The following AASS variants were observed in gnomAD, a reference collection of about 807,000 sequenced individuals.
AASS encodes aminoadipate-semialdehyde synthase, also known as alpha-aminoadipic semialdehyde synthase, mitochondrial.
AASS carries 86 observed loss-of-function variants against 105.4 expected under a neutral mutation model. That is an observed-to-expected ratio of 0.82 (90% CI 0.69 to 0.98). The LOEUF (loss-of-function observed/expected upper bound fraction) is 0.98. Among genes scored for constraint, AASS ranks in the 50% least tolerant of loss-of-function variants. The pLI is 0.00. For missense variants in AASS, 1,048 were observed against 1,143.2 expected (o/e 0.92, Z 1.20); for synonymous variants, 381 against 394.8 (o/e 0.96, Z 0.41).
chr7:122,081,538 G>A lies in AASS; in HGVS notation c.2242C>T (p.Leu748Phe). ...VKLGLINREA[L>F]PAFRPEANPL... is the part of the protein sequence containing the mutation. ...TTGGCCTCAGGTCTAAAGGCAGGAA[G>A]CGCTTCTCTGTTTATAAGACCTAAT... The change falls in exon 20 of 24, where the codon CTT becomes TTT. Residue 748 changes from leucine to phenylalanine, a missense_variant. By Grantham distance (22) the Leu-to-Phe change is conservative. Transcript: ENST00000417368. 6.2e-7 allele frequency: 1 copy of A among 1,614,010 alleles called. No individual in the cohort carries two copies. Among genetic ancestry groups the A allele is most frequent in the Non-Finnish European group, 8.5e-7 (1 of 1,179,900 alleles).
intron 19 of AASS, 106 bp from the exon 20 acceptor site, chr7:122,081,701 C>G: frequency 1.3e-6 from 1 of 789,238 alleles, no homozygotes; most frequent in Non-Finnish European, 2.1e-6. Context: ...ATTTAGAAAA[C>G]TGTTTATATT....
chr7:122,138,690 G>A (rs1026400698), intron 1 of AASS, among the ~76,000 whole-genome samples: 2 of 152,058 alleles, frequency 1.3e-5, no homozygotes, highest in African/African-American at 4.8e-5. Context: ...CTCTCAAGGT[G>A]GCAAGACTTA....
Position 122,078,004 on chromosome 7 carries a change from T to G in AASS, c.2496A>C (p.Glu832Asp), listed in dbSNP as rs2150506262. 6.2e-7 allele frequency: 1 copy of G among 1,614,134 alleles called. No individual in the cohort carries two copies. The highest frequency in any genetic ancestry group is 8.5e-7 in the Non-Finnish European group (1 of 1,179,958). Residue 832 changes from glutamate to aspartate, a missense_variant, in exon 23 of 24, where the codon GAA becomes GAC. By Grantham distance (45) the Glu-to-Asp change is conservative. Coordinates refer to ENST00000417368, the MANE Select transcript of AASS (RefSeq NM_005763.4). ...LVMKLSYGPEEKDMIVMRDSF... is the reference protein window; with the variant it reads ...LVMKLSYGPEDKDMIVMRDSF... ...TGTCTCTCATCACAATCATATCTTTTTCTTCAGGACCTTAAAACAAATAAA... is the reference window on the plus strand; with the variant it reads ...TGTCTCTCATCACAATCATATCTTTGTCTTCAGGACCTTAAAACAAATAAA...
At chr7:122,131,033 C>CAA (rs200717404) in intron 2 of AASS, among the ~76,000 whole-genome samples, 327 of 88,540 alleles carry the variant, frequency 3.7e-3, no homozygotes, top group Non-Finnish European at 5.0e-3. Flanking sequence ...TTTATTTTTG[C>CAA]AAAAAAAAAA....
intron 17 of AASS, among the ~76,000 whole-genome samples, 176 bp downstream of exon 17, chr7:122,092,667 T>G (rs1233999945): frequency 6.6e-6 from 1 of 151,736 alleles, no homozygotes; most frequent in African/African-American, 2.4e-5. Context: ...GAGGTTGCAG[T>G]GAGCCGAGAT....
intron 21 of AASS, 108 bp downstream of exon 21, chr7:122,079,489 G>A: frequency 1.8e-6 from 2 of 1,090,308 alleles, no homozygotes; most frequent in Non-Finnish European, 2.8e-6. Context: ...CCACATTAGA[G>A]CAACGAATTA....
chr7:122,140,496 A>AAAAAAAAAAAAAAAAAT (rs1347131052), intron 1 of AASS, among the ~76,000 whole-genome samples: 1 of 148,694 alleles, frequency 6.7e-6, no homozygotes, highest in East Asian at 2.0e-4. Context: ...AAAAAAAAAA[A>AAAAAAAAAAAAAAAAAT]AAAAAAAAAA....
intron 11 of AASS, among the ~76,000 whole-genome samples, chr7:122,102,879 G>C (rs1445481630): frequency 1.3e-5 from 2 of 151,466 alleles, no homozygotes; most frequent in African/African-American, 2.4e-5. Context: ...TGAAAGGTAA[G>C]AATTTACTGA....
chr7:122,129,433 A>C lies in AASS; in HGVS notation c.315T>G (p.Thr105=). Residue 105 remains threonine, a synonymous_variant, in exon 3 of 24, where the codon ACT becomes ACG. Transcript: ENST00000417368. ...PPEEKLMSRK[T]YAFFSHTIKA... is the part of the protein sequence containing the mutation. ...TTATTGTGTGGGAGAAAAATGCATAAGTCTTCCTGGACATTAATTTTTCCT... is the reference window on the plus strand; with the variant it reads ...TTATTGTGTGGGAGAAAAATGCATACGTCTTCCTGGACATTAATTTTTCCT... 1 of 1,613,584 alleles carries C rather than the reference A, an allele frequency of 6.2e-7. No individual in the cohort carries two copies. Among genetic ancestry groups the C allele is most frequent in the Non-Finnish European group, 8.5e-7 (1 of 1,179,676 alleles).
chr7:122,107,910 A>G (rs1249295642), intron 11 of AASS, among the ~76,000 whole-genome samples: 1 of 149,630 alleles, frequency 6.7e-6, no homozygotes, highest in African/African-American at 2.5e-5. Context: ...AGTATGTATT[A>G]GCTTCTGCAA....
At chr7:122,095,982 C>G (rs569944848) in intron 15 of AASS, among the ~76,000 whole-genome samples, 4 of 152,018 alleles carry the variant, frequency 2.6e-5, no homozygotes, top group Admixed American at 2.6e-4. Flanking sequence ...AATGATAGGA[C>G]TTTGCCTGTG....
intron 11 of AASS, among the ~76,000 whole-genome samples, chr7:122,109,455 T>A (rs573149800): frequency 1.2e-4 from 18 of 152,098 alleles, no homozygotes; most frequent in Non-Finnish European, 2.5e-4. Context: ...AGCAGACACA[T>A]AAACCAATGG....
At chr7:122,079,774 A>G in intron 20 of AASS, 62 bp from the exon 21 acceptor site, 2 of 1,054,422 alleles carry the variant, frequency 1.9e-6, no homozygotes, top group Non-Finnish European at 2.9e-6. Context: ...TAATTGACTG[A>G]AAAATTATCC....
chr7:122,128,557 A>T (rs1381514154), intron 3 of AASS, among the ~76,000 whole-genome samples: 1 of 152,148 alleles, frequency 6.6e-6, no homozygotes, highest in Non-Finnish European at 1.5e-5. Context: ...TGGATATTAG[A>T]TGTCTTATTC....
chr7:122,091,580 A>C, intron 18 of AASS, 123 bp downstream of exon 18: 1 of 1,429,768 alleles, frequency 7.0e-7, no homozygotes, highest in South Asian at 1.2e-5. Flanking sequence ...GAAACAACAC[A>C]GGAGGAGATA....
chr7:122,130,715 A>G (rs1213076899), intron 2 of AASS, among the ~76,000 whole-genome samples: 2 of 152,022 alleles, frequency 1.3e-5, no homozygotes, highest in East Asian at 3.9e-4. Flanking sequence ...AATCTACCTC[A>G]AAGGAAAGTA....
intron 19 of AASS, among the ~76,000 whole-genome samples, chr7:122,083,490 G>A (rs937808227): frequency 6.6e-6 from 1 of 152,048 alleles, no homozygotes; most frequent in Non-Finnish European, 1.5e-5. Context: ...GCTAGGGACT[G>A]AGGCCACAGA....
intron 1 of AASS, among the ~76,000 whole-genome samples, chr7:122,138,516 T>C (rs1189164448): frequency 6.6e-6 from 1 of 152,220 alleles, no homozygotes; most frequent in Non-Finnish European, 1.5e-5. Flanking sequence ...TAGTGTACTT[T>C]ATTCACCTAT....
rs764147623 is a variant in AASS, at chr7:122,115,240, G to C, written c.895-18C>G. The C allele has an allele frequency of 1.2e-5, 20 of 1,613,740 alleles. No homozygotes were observed. In the Admixed American group the frequency reaches 3.3e-4, roughly 27 times the overall value. On this transcript the variant is annotated intron_variant, in intron 8 of 23. Coordinates refer to ENST00000417368, the MANE Select transcript of AASS (RefSeq NM_005763.4). Reference sequence around the variant, plus strand: ...GGTGCAATCTGTAATGCAAGTTCCAGGTTCAAGAAAATAGAAAATAGCCTA... The same window carrying C: ...GGTGCAATCTGTAATGCAAGTTCCACGTTCAAGAAAATAGAAAATAGCCTA...
Sources: allele counts gnomAD v4.1 joint callset (sites outside exome capture counted in the v4.1 genomes callset), GRCh38; gene constraint gnomAD v4.1.1; transcripts MANE v1.5; gene names NCBI Gene and HGNC (gene_info 2026-07-23, HGNC 2026-07-21).